SLC35F4: variants seen among roughly 807,000 people sequenced by gnomAD.
SLC35F4 encodes the protein chromosome 14 open reading frame 36.
SLC35F4 carries 24 observed loss-of-function variants against 44.2 expected under a neutral mutation model. The ratio of observed to expected loss-of-function variants is 0.54; its 90% CI spans 0.39 to 0.76. The LOEUF is 0.76. Among genes scored for constraint, SLC35F4 ranks in the 30% least tolerant of loss-of-function variants. The pLI is 0.00. For missense variants in SLC35F4, 562 were observed against 586.1 expected (o/e 0.96, Z 0.42); for synonymous variants, 238 against 223.6 (o/e 1.06, Z -0.57).
chr14:57,668,231 C>T (rs1594754266), intron 1 of SLC35F4, among the ~76,000 whole-genome samples: 1 of 151,008 alleles, frequency 6.6e-6, no homozygotes, highest in Non-Finnish European at 1.5e-5. Context: ...TGGATATTAG[C>T]CCTTTGTCAG....
At chr14:57,584,652 T>A (rs1011358796) in intron 3 of SLC35F4, among the ~76,000 whole-genome samples, 1 of 152,092 alleles carries the variant, frequency 6.6e-6, no homozygotes, top group African/African-American at 2.4e-5. Context: ...ATAGGTAGAG[T>A]GCTAAATCAG....
intron 1 of SLC35F4, among the ~76,000 whole-genome samples, chr14:57,765,163 G>A (rs371188253): frequency 8.5e-5 from 13 of 152,314 alleles, no homozygotes; most frequent in African/African-American, 2.9e-4. Context: ...ATTCAAGATA[G>A]GAAAATACAG....
At chr14:57,791,920 C>G in intron 1 of SLC35F4, among the ~76,000 whole-genome samples, 1 of 148,192 alleles carries the variant, frequency 6.7e-6, no homozygotes, top group African/African-American at 2.5e-5. Flanking sequence ...CCAATGAGAA[C>G]GTATGGGTAC....
At chr14:57,896,643 G>A (rs1888877242) in intron 1 of SLC35F4, among the ~76,000 whole-genome samples, 1 of 152,116 alleles carries the variant, frequency 6.6e-6, no homozygotes, top group Admixed American at 6.5e-5. Context: ...TTGGTGGGCT[G>A]GCCTAAGGTT....
At chr14:57,808,756 C>T (rs1057480172) in intron 1 of SLC35F4, among the ~76,000 whole-genome samples, 2 of 152,154 alleles carry the variant, frequency 1.3e-5, no homozygotes, top group Admixed American at 6.5e-5. Flanking sequence ...CAGTGAGCCA[C>T]GATGGCACCC....
rs17093521 is a variant in SLC35F4 at position 57,656,781 on chromosome 14, T to C, written c.104-62657A>G. 5.8e-3 allele frequency among the ~76,000 whole-genome samples: 876 copies of C among 152,294 alleles called. 9 individuals carry two copies. Among genetic ancestry groups the C allele is most frequent in the African/African-American group, 0.02 (839 of 41,568 alleles). On this transcript the variant is annotated intron_variant, in intron 1 of 7. Transcript: ENST00000556826. Reference sequence around the variant, plus strand: ...CTGTGCCTCTATTATTACTATCCTTTCTGCTTAGCATCCCTTGCCCCAGTG... The same window carrying C: ...CTGTGCCTCTATTATTACTATCCTTCCTGCTTAGCATCCCTTGCCCCAGTG...
chr14:57,639,970 C>A (rs570118155), intron 1 of SLC35F4, among the ~76,000 whole-genome samples: 1 of 152,060 alleles, frequency 6.6e-6, no homozygotes, highest in African/African-American at 2.4e-5. Flanking sequence ...AAGAAACAAA[C>A]TCTTCTTCAA....
intron 1 of SLC35F4, among the ~76,000 whole-genome samples, chr14:57,679,261 CT>C (rs1251584592): frequency 6.6e-6 from 1 of 152,062 alleles, no homozygotes; most frequent in Non-Finnish European, 1.5e-5. Flanking sequence ...GAACAACCTG[CT>C]CCTGAATGAC....
chr14:57,899,979 T>C (rs780727975), intron 1 of SLC35F4, among the ~76,000 whole-genome samples: 1 of 152,120 alleles, frequency 6.6e-6, no homozygotes, highest in Non-Finnish European at 1.5e-5. Context: ...CCAGCTTTTA[T>C]TCCCTTATTT....
At chr14:57,564,999 T>A (rs759598493) in intron 7 of SLC35F4, among the ~76,000 whole-genome samples, 2 of 152,262 alleles carry the variant, frequency 1.3e-5, no homozygotes, top group Non-Finnish European at 2.9e-5. Flanking sequence ...TCACATTCTC[T>A]GTGTTCTTTC....
intron 1 of SLC35F4, among the ~76,000 whole-genome samples, chr14:57,777,858 C>T (rs1403306992): frequency 1.3e-5 from 2 of 152,032 alleles, no homozygotes; most frequent in Middle Eastern, 3.2e-3. Flanking sequence ...CTTCCAGAGA[C>T]CCATCTCACA....
At chr14:57,798,809 A>G (rs1363547638) in intron 1 of SLC35F4, among the ~76,000 whole-genome samples, 2 of 152,204 alleles carry the variant, frequency 1.3e-5, no homozygotes, top group Non-Finnish European at 2.9e-5. Context: ...GGGCTTTTAC[A>G]GTAAATGCAG....
Position 57,777,939 on chromosome 14 carries a change from G to C in SLC35F4, c.103+87784C>G, listed in dbSNP as rs531505440. 1.2e-4 allele frequency among the ~76,000 whole-genome samples: 18 copies of C among 152,210 alleles called. No individual in the cohort carries two copies. The East Asian group carries it at 3.5e-3, about 29-fold the overall frequency. On this transcript the variant is annotated intron_variant, in intron 1 of 7. Coordinates refer to ENST00000556826, the MANE Select transcript of SLC35F4 (RefSeq NM_001306087.2). ...CAAAGCAAATGGGGAACAGAAAAAA[G>C]TAAGGTTGGTGACATGGTTTGGCTG...
intron 1 of SLC35F4, among the ~76,000 whole-genome samples, chr14:57,760,481 C>G (rs115440935): frequency 1.6e-3 from 248 of 152,244 alleles, no homozygotes; most frequent in African/African-American, 5.7e-3. Flanking sequence ...CAGCTTTGTT[C>G]TGGCTATCCA....
chr14:57,973,361 G>T (rs1332383306), downstream of SLC35F4, among the ~76,000 whole-genome samples: 2 of 152,158 alleles, frequency 1.3e-5, no homozygotes, highest in Non-Finnish European at 1.5e-5. Context: ...TCACTCACTA[G>T]GTTTCCTCGT....
chr14:57,845,225 T>A (rs141739373), intron 1 of SLC35F4, among the ~76,000 whole-genome samples: 101 of 152,294 alleles, frequency 6.6e-4, no homozygotes, highest in African/African-American at 2.4e-3. Context: ...CTCTCTCTAG[T>A]GGAGTATGGA....
At chr14:57,681,631 A>G (rs2074906319) in intron 1 of SLC35F4, among the ~76,000 whole-genome samples, 1 of 152,164 alleles carries the variant, frequency 6.6e-6, no homozygotes, top group South Asian at 2.1e-4. Context: ...AGCAATGGCA[A>G]CAAAAGCCAA....
chr14:57,586,411 T>C (rs922248871), intron 3 of SLC35F4, among the ~76,000 whole-genome samples: 5 of 152,036 alleles, frequency 3.3e-5, no homozygotes, highest in Admixed American at 6.6e-5. Flanking sequence ...TCAGGATATA[T>C]GCATGGGTAA....
intron 1 of SLC35F4, among the ~76,000 whole-genome samples, chr14:57,967,921 C>G (rs1303585576): frequency 1.3e-5 from 2 of 152,114 alleles, no homozygotes; most frequent in Non-Finnish European, 2.9e-5. Context: ...TTTTGGTGAT[C>G]ATAAAAGTCA....
Sources: gnomAD v4.1 joint callset for allele counts (sites outside exome capture counted in the v4.1 genomes callset) on GRCh38, gnomAD v4.1.1 for gene constraint, MANE v1.5 for transcripts, NCBI Gene and HGNC (gene_info 2026-07-23, HGNC 2026-07-21) for gene names.